DOCK1: variants seen among roughly 807,000 people sequenced by gnomAD.
DOCK1 encodes the protein dedicator of cytokinesis 1, also known as dedicator of cytokinesis protein 1.
A neutral mutation model predicts 262.7 loss-of-function variants in DOCK1; 138 were observed. That is an observed-to-expected ratio of 0.53 (90% CI 0.46 to 0.61). DOCK1 has a LOEUF of 0.61. DOCK1 is among the 20% of genes least tolerant of loss of function. The pLI, the probability that DOCK1 is intolerant of heterozygous loss-of-function variation, is 0.00. For missense variants in DOCK1, 1,908 were observed against 2,370.7 expected (o/e 0.80, Z 4.05); for synonymous variants, 866 against 867.4 (o/e 1.00, Z 0.03).
chr10:127,381,268 A>T lies in DOCK1; in HGVS notation c.3717-10A>T. On this transcript the variant is annotated splice_polypyrimidine_tract_variant and intron_variant, in intron 36 of 51. Transcript: ENST00000623213. The stretch of plus-strand genomic sequence containing the variant: ...CATTTTAAGAACATACCTCTGTTTT[A>T]TTGTCTCAGGTATTTGTACAAGCTC... 6.2e-7 allele frequency: 1 copy of T among 1,603,104 alleles called. No homozygotes were observed. Among genetic ancestry groups the T allele is most frequent in the Non-Finnish European group, 8.5e-7 (1 of 1,173,564 alleles).
intron 23 of DOCK1, among the ~76,000 whole-genome samples, chr10:127,085,976 C>A (rs973702235): frequency 2.0e-5 from 3 of 152,126 alleles, no homozygotes; most frequent in African/African-American, 7.2e-5. Context: ...CTTTTTAAAG[C>A]CTTTGGTGAT....
At chr10:127,167,397 T>C (rs992035734) in intron 27 of DOCK1, among the ~76,000 whole-genome samples, 1 of 152,172 alleles carries the variant, frequency 6.6e-6, no homozygotes, top group Non-Finnish European at 1.5e-5. Context: ...CTCTAGCATT[T>C]GTAGTACTGG....
At chr10:126,948,872 G>A (rs974326194) in intron 1 of DOCK1, among the ~76,000 whole-genome samples, 1 of 152,034 alleles carries the variant, frequency 6.6e-6, no homozygotes, top group Non-Finnish European at 1.5e-5. Context: ...ATGTGTGCTG[G>A]GCCTGGCCCA....
At chr10:126,999,595 A>G (rs1303239352) in intron 9 of DOCK1, among the ~76,000 whole-genome samples, 160 bp downstream of exon 9, 1 of 152,226 alleles carries the variant, frequency 6.6e-6, no homozygotes, top group Non-Finnish European at 1.5e-5. Context: ...TCCAGAAATC[A>G]TCTGAGTCTC....
chr10:126,923,873 G>A (rs1171520823), intron 1 of DOCK1, among the ~76,000 whole-genome samples: 2 of 152,162 alleles, frequency 1.3e-5, no homozygotes, highest in African/African-American at 4.8e-5. Context: ...TCTACCCTGT[G>A]AGGACACAGT....
chr10:127,245,370 C>G (rs2134747488), intron 27 of DOCK1, among the ~76,000 whole-genome samples: 1 of 152,362 alleles, frequency 6.6e-6, no homozygotes, highest in East Asian at 1.9e-4. Context: ...AGAGGGCACG[C>G]ACAGTGCCCG....
Position 126,924,256 on chromosome 10 carries a change from CTGGAACTCAGTAGGGGGAGGCTG to C in DOCK1, c.46+18696_46+18718del, listed in dbSNP as rs2033485326. Among the ~76,000 whole-genome samples the C allele has an allele frequency of 5.5e-5, 7 of 126,984 alleles. 1 individual carries two copies. Among genetic ancestry groups the C allele is most frequent in the African/African-American group, 2.1e-4 (7 of 33,356 alleles). The allele number at this position is 126,984 out of a possible 152,430, so 83.3% of individuals were successfully genotyped here. ...GGAACTGAGCAGGGGGAACTGAGTG[CTGGAACTCAGTAGGGGGAGGCTG>C]TGAGTGCTGGAACTCAGTAGGGGGA... On this transcript the variant is annotated intron_variant, in intron 1 of 51. Transcript: ENST00000623213.
chr10:127,360,076 T>G (rs1224198568), intron 32 of DOCK1, among the ~76,000 whole-genome samples: 2 of 152,240 alleles, frequency 1.3e-5, no homozygotes, highest in African/African-American at 2.4e-5. Flanking sequence ...ACCTTTTTGA[T>G]AGGACCTGCC....
chr10:127,278,637 C>G (rs1446350717), intron 29 of DOCK1, among the ~76,000 whole-genome samples: 1 of 152,196 alleles, frequency 6.6e-6, no homozygotes. Flanking sequence ...GATCACCCAG[C>G]AAAGCACCAC....
At chr10:127,182,195 G>A (rs542330118) in intron 27 of DOCK1, among the ~76,000 whole-genome samples, 2 of 152,218 alleles carry the variant, frequency 1.3e-5, no homozygotes, top group African/African-American at 4.8e-5. Context: ...TCCAAAGCAG[G>A]GAAAAGGGGC....
At chr10:127,268,893 A>C (rs2135153252) in intron 29 of DOCK1, among the ~76,000 whole-genome samples, 1 of 152,260 alleles carries the variant, frequency 6.6e-6, no homozygotes, top group South Asian at 2.1e-4. Context: ...TGAAAATATT[A>C]GCAAGAGCCT....
intron 1 of DOCK1, among the ~76,000 whole-genome samples, chr10:126,960,723 A>AATATATATATATATATATATAT (rs1159655828): frequency 1.3e-4 from 17 of 134,638 alleles, no homozygotes; most frequent in Non-Finnish European, 2.5e-4. Flanking sequence ...CCTACCCTCA[A>AATATATATATATATATATATAT]ATATATATAT....
intron 13 of DOCK1, 191 bp downstream of exon 13, chr10:127,019,026 C>T (rs12778458): frequency 0.38 from 314,589 of 827,556 alleles, 61,764 homozygotes; most frequent in South Asian, 0.41. Flanking sequence ...TGCTCCCTGG[C>T]CCCCTGTACC....
intron 22 of DOCK1, among the ~76,000 whole-genome samples, chr10:127,060,389 A>C (rs911790013): frequency 3.3e-5 from 5 of 152,152 alleles, no homozygotes; most frequent in African/African-American, 1.2e-4. Context: ...TACAAAACAG[A>C]TCCACTAGGT....
chr10:127,119,168 T>C (rs1461922853), intron 25 of DOCK1, among the ~76,000 whole-genome samples: 10 of 151,972 alleles, frequency 6.6e-5, no homozygotes, highest in Non-Finnish European at 1.5e-4. Context: ...CTCAGCCTCC[T>C]GAGTAGCTGG....
intron 31 of DOCK1, among the ~76,000 whole-genome samples, chr10:127,344,007 T>G (rs1310029756): frequency 6.6e-6 from 1 of 152,226 alleles, no homozygotes; most frequent in Non-Finnish European, 1.5e-5. Flanking sequence ...CTTCCGGAGA[T>G]AATTCCTTTT....
Position 127,381,289 on chromosome 10 carries a change from A to G in DOCK1, c.3728A>G (p.Lys1243Arg). The change falls in exon 37 of 52, where the codon AAG (lysine) becomes AGG (arginine). Residue 1243 changes from lysine (K) to arginine (R), a missense_variant. Lys to Arg is a conservative substitution (Grantham distance 26). Around this residue, in one of 9 missense-constraint regions of DOCK1, gnomAD observed 267 missense variants for 366.3 expected, o/e 0.73. Transcript: ENST00000623213. Reference sequence around the variant, plus strand: ...TTTTATTGTCTCAGGTATTTGTACAAGCTCTGTGACCTGCACAAGGAGTGT... The same window carrying G: ...TTTTATTGTCTCAGGTATTTGTACAGGCTCTGTGACCTGCACAAGGAGTGT... ...REEMYIRYLY[K>R]LCDLHKECDN... The G allele has an allele frequency of 1.2e-6, 2 of 1,610,914 alleles. No homozygotes were observed. Among genetic ancestry groups the G allele is most frequent in the Non-Finnish European group, 8.5e-7 (1 of 1,178,096 alleles).
chr10:127,218,035 C>T (rs1240236813), intron 27 of DOCK1, among the ~76,000 whole-genome samples: 2 of 151,880 alleles, frequency 1.3e-5, no homozygotes, highest in Non-Finnish European at 2.9e-5. Flanking sequence ...CTGAGTTTTC[C>T]ATTCTATTCT....
chr10:127,021,115 A>G (rs886358150), intron 13 of DOCK1, among the ~76,000 whole-genome samples: 2 of 152,138 alleles, frequency 1.3e-5, no homozygotes, highest in African/African-American at 2.4e-5. Flanking sequence ...GGGTTTGCTT[A>G]CTGTAAATGA....
Sources: allele counts gnomAD v4.1 joint callset (sites outside exome capture counted in the v4.1 genomes callset), GRCh38; gene constraint gnomAD v4.1.1; regional missense constraint gnomAD v4.1.1; transcripts MANE v1.5; gene names NCBI Gene and HGNC (gene_info 2026-07-23, HGNC 2026-07-21).